Variants in BMPR1A observed in about 807,000 individuals in gnomAD.
BMPR1A encodes the protein bone morphogenetic protein receptor type-1A.
Under a neutral mutation model 66.0 loss-of-function variants are expected in BMPR1A, and 7 were observed. That is an observed-to-expected ratio of 0.11 (90% CI 0.06 to 0.20). BMPR1A has a LOEUF of 0.20. BMPR1A is among the 10% of genes least tolerant of loss of function. BMPR1A has a pLI of 1.00. For synonymous variants in BMPR1A, 200 were observed against 229.7 expected, an observed-to-expected ratio of 0.87 and a Z score of 1.17; for missense variants, 408 against 669.1, an observed-to-expected ratio of 0.61 and a Z score of 4.31.
chr10:86,883,376 C>T (rs1843018463), intron 3 of BMPR1A, among the ~76,000 whole-genome samples: 1 of 151,860 alleles, frequency 6.6e-6, no homozygotes, highest in Admixed American at 6.6e-5. Context: ...CGGTGAAACC[C>T]CGTCTCTACT....
intron 2 of BMPR1A, among the ~76,000 whole-genome samples, chr10:86,871,525 C>G (rs554331510): frequency 2.0e-5 from 3 of 152,252 alleles, no homozygotes; most frequent in African/African-American, 7.2e-5. Context: ...ATTATTTAGT[C>G]TAGGGCCAGG....
intron 8 of BMPR1A, among the ~76,000 whole-genome samples, chr10:86,915,240 A>T (rs577046524): frequency 1.3e-5 from 2 of 151,778 alleles, no homozygotes; most frequent in Admixed American, 1.3e-4. Flanking sequence ...CATGTTGGCC[A>T]GGCTGGTCTT....
intron 7 of BMPR1A, among the ~76,000 whole-genome samples, chr10:86,902,786 C>A (rs1476798262): frequency 2.0e-5 from 3 of 152,168 alleles, no homozygotes; most frequent in Non-Finnish European, 2.9e-5. Context: ...CCAGGTGTAG[C>A]CAGTAGCCTG....
At chr10:86,836,656 G>A (rs1842351775) in intron 1 of BMPR1A, among the ~76,000 whole-genome samples, 1 of 152,144 alleles carries the variant, frequency 6.6e-6, no homozygotes, top group Middle Eastern at 3.2e-3. Flanking sequence ...AAATTAACCT[G>A]GCATGGTAGT....
intron 1 of BMPR1A, among the ~76,000 whole-genome samples, chr10:86,774,619 T>C (rs1841316408): frequency 6.6e-6 from 1 of 152,094 alleles, no homozygotes; most frequent in Non-Finnish European, 1.5e-5. Flanking sequence ...GCAAGCAAAA[T>C]CAGACAAGGA....
chr10:86,811,843 G>GC (rs1027038819), intron 1 of BMPR1A, among the ~76,000 whole-genome samples: 9 of 152,214 alleles, frequency 5.9e-5, no homozygotes, highest in East Asian at 1.9e-4. Context: ...ATTAATAAAA[G>GC]CAGGGACAGG....
rs1487892170 is a variant in BMPR1A, at chr10:86,925,046, C to G, written c.*1327C>G. 8.6e-6 allele frequency: 2 copies of G among 232,022 alleles called. No individual in the cohort carries two copies. Among genetic ancestry groups the G allele is most frequent in the African/African-American group, 2.2e-5 (1 of 45,306 alleles). The allele number at this position is 232,022 out of a possible 1,614,324, so 14.4% of individuals were successfully genotyped here. A position where few individuals can be genotyped will look rare whatever the true frequency, so the allele number is the denominator to read the frequency against. On this transcript the variant is annotated 3_prime_UTR_variant, in exon 13 of 13. Coordinates refer to ENST00000372037, the MANE Select transcript of BMPR1A (RefSeq NM_004329.3). ...TCAAATATGTTCTGGACAGCTAAAT[C>G]ATTTGAGATTTTTGGTTTTTTGATT...
rs1843726797 is a variant in BMPR1A, at chr10:86,925,491, G to A, written c.*1772G>A. 1 of 207,576 alleles carries A rather than the reference G, an allele frequency of 4.8e-6. No individual in the cohort carries two copies. The highest frequency in any genetic ancestry group is 9.8e-6 in the Non-Finnish European group (1 of 102,030). 12.9% of individuals were successfully genotyped at this position (207,576 alleles called of 1,614,324 possible). Reference sequence around the variant, plus strand: ...TTGCCTTAACCATTTTGATTAATAAGTTTCATCTGCCATAATTAAAGTCTG... The same window carrying A: ...TTGCCTTAACCATTTTGATTAATAAATTTCATCTGCCATAATTAAAGTCTG... On this transcript the variant is annotated 3_prime_UTR_variant, in exon 13 of 13. Transcript: ENST00000372037.
At chr10:86,770,141 A>G (rs1016329565) in intron 1 of BMPR1A, among the ~76,000 whole-genome samples, 8 of 152,198 alleles carry the variant, frequency 5.3e-5, no homozygotes, top group Admixed American at 2.0e-4. Flanking sequence ...AAGTATAAAA[A>G]TTAGCTAGGC....
intron 1 of BMPR1A, among the ~76,000 whole-genome samples, chr10:86,813,922 C>T (rs776839829): frequency 6.6e-6 from 1 of 152,090 alleles, no homozygotes; most frequent in Admixed American, 6.6e-5. Flanking sequence ...TGTTTATACT[C>T]GAAAGTTCTA....
chr10:86,791,731 T>TCCTTCCTTCCTTCCTTCCTTCCTG (rs1841628023), intron 1 of BMPR1A, among the ~76,000 whole-genome samples: 1 of 69,220 alleles, frequency 1.4e-5, no homozygotes, highest in African/African-American at 4.9e-5. Flanking sequence ...CTTCCTTCCT[T>TCCTTCCTTCCTTCCTTCCTTCCTG]CCCTCCCTCC....
At chr10:86,917,906 A>G (rs867418339) in intron 9 of BMPR1A, among the ~76,000 whole-genome samples, 3 of 152,192 alleles carry the variant, frequency 2.0e-5, no homozygotes, top group South Asian at 2.1e-4. Flanking sequence ...TGCTGTATCA[A>G]TTACCACAAA....
chr10:86,922,045 C>G (rs1408504723), intron 11 of BMPR1A, among the ~76,000 whole-genome samples: 1 of 151,946 alleles, frequency 6.6e-6, no homozygotes, highest in South Asian at 2.1e-4. Flanking sequence ...ATTAAACATC[C>G]CCCCCCATCT....
At chr10:86,866,080 A>G (rs1445663877) in intron 2 of BMPR1A, among the ~76,000 whole-genome samples, 5 of 152,322 alleles carry the variant, frequency 3.3e-5, no homozygotes, top group Admixed American at 3.3e-4. Context: ...TGGGAAAAAG[A>G]AAGTCCCTTC....
At position 86,909,575 on chromosome 10, in the gene BMPR1A, A is replaced by C. The variant is rs546418904; in HGVS notation, c.531-2665A>C. Among the ~76,000 whole-genome samples, 31 of 150,852 alleles carry C rather than the reference A, an allele frequency of 2.1e-4. No homozygotes were observed. The South Asian group carries it at 6.3e-3, about 31-fold the overall frequency. On this transcript the variant is annotated intron_variant, in intron 7 of 12. Transcript: ENST00000372037. ...TACTCTAGCCTGGGCGACAAGAGTG[A>C]GACCCTATCTCAAAAAAAAAAAAGA... is the stretch of plus-strand genomic sequence containing the variant.
chr10:86,759,758 T>C (rs1379918847), intron 1 of BMPR1A, among the ~76,000 whole-genome samples: 1 of 152,214 alleles, frequency 6.6e-6, no homozygotes, highest in Non-Finnish European at 1.5e-5. Context: ...ATCTGTTCCT[T>C]GAAAGTTTGG....
chr10:86,834,944 G>C (rs543645175), intron 1 of BMPR1A, among the ~76,000 whole-genome samples: 1 of 151,944 alleles, frequency 6.6e-6, no homozygotes, highest in African/African-American at 2.4e-5. Context: ...CTTTTTCTGG[G>C]TGCTGAGAAG....
chr10:86,867,647 G>C (rs1421529948), intron 2 of BMPR1A, among the ~76,000 whole-genome samples: 4 of 152,140 alleles, frequency 2.6e-5, no homozygotes, highest in Non-Finnish European at 5.9e-5. Flanking sequence ...GGAGAAACTA[G>C]GTTAGGGAAT....
At chr10:86,764,539 T>C (rs1841133234) in intron 1 of BMPR1A, among the ~76,000 whole-genome samples, 2 of 152,272 alleles carry the variant, frequency 1.3e-5, no homozygotes. Flanking sequence ...AGTACTGCTT[T>C]GGTCATCATC....
Sources: gnomAD v4.1 joint callset for allele counts (sites outside exome capture counted in the v4.1 genomes callset) on GRCh38, gnomAD v4.1.1 for gene constraint, MANE v1.5 for transcripts, NCBI Gene and HGNC (gene_info 2026-07-23, HGNC 2026-07-21) for gene names.